The following SMARCA2 variants were observed in gnomAD, a reference collection of about 807,000 sequenced individuals.
The protein encoded by SMARCA2 is SWI/SNF related BAF chromatin remodeling complex subunit ATPase 2.
SMARCA2 carries 61 observed loss-of-function variants against 199.8 expected under a neutral mutation model. The observed-to-expected ratio is 0.31, with a 90% CI of 0.25 to 0.38. The LOEUF is 0.38. SMARCA2 is among the 10% of genes least tolerant of loss of function. The pLI, the probability that SMARCA2 is intolerant of heterozygous loss-of-function variation, is 1.00. For synonymous variants in SMARCA2, 935 were observed against 732.0 expected (o/e 1.28, Z -4.48); for missense variants, 1,344 against 2,012.2 (o/e 0.67, Z 6.35).
intron 27 of SMARCA2, chr9:2,158,274 G>A (rs1442671774): frequency 6.2e-6 from 1 of 162,428 alleles, no homozygotes; most frequent in Non-Finnish European, 1.3e-5. Flanking sequence ...AACTTGACTG[G>A]GGATTTTTAC....
Position 2,096,779 on chromosome 9 carries a change from A to T in SMARCA2, c.2991+15A>T. On this transcript the variant is annotated intron_variant, in intron 20 of 33. Coordinates refer to ENST00000349721, the MANE Select transcript of SMARCA2 (RefSeq NM_003070.5). ...AAGATAAGAAGGTACGTTGCGAAAG[A>T]TGATGCAACTCAAGGTGCTGTGGTA... 1 of 1,459,932 alleles carries T rather than the reference A, an allele frequency of 6.8e-7. No individual in the cohort carries two copies. Among genetic ancestry groups the T allele is most frequent in the African/African-American group, 1.4e-5 (1 of 72,118 alleles). The allele number at this position is 1,459,932 out of a possible 1,614,324, so 90.4% of individuals were successfully genotyped here. A position where few individuals can be genotyped will look rare whatever the true frequency, so the allele number is the denominator to read the frequency against.
chr9:2,164,748 C>T (rs573184321), intron 28 of SMARCA2, among the ~76,000 whole-genome samples: 1 of 152,176 alleles, frequency 6.6e-6, no homozygotes, highest in Non-Finnish European at 1.5e-5. Context: ...TTTCAGCATG[C>T]AGATATTGAG....
chr9:2,115,111 T>C lies in SMARCA2; in HGVS notation c.3457-711T>C, dbSNP rs993022393. Among the ~76,000 whole-genome samples, 6 of 151,530 alleles carry C rather than the reference T, an allele frequency of 4.0e-5. No individual in the cohort carries two copies. Among genetic ancestry groups the C allele is most frequent in the Non-Finnish European group, 7.4e-5 (5 of 68,002 alleles). ...AAGGTACATCCTTATTTCTAAATCTTTGTGCATATCTATGATTATTTGTTT... is the reference window on the plus strand; with the variant it reads ...AAGGTACATCCTTATTTCTAAATCTCTGTGCATATCTATGATTATTTGTTT... On this transcript the variant is annotated intron_variant, in intron 24 of 33. Coordinates refer to ENST00000349721, the MANE Select transcript of SMARCA2 (RefSeq NM_003070.5). This position sits in a 1 kb window ranked among gnomAD's most constrained non-coding sequence, Gnocchi z 6.0.
At chr9:2,101,741 A>G in intron 22 of SMARCA2, 125 bp downstream of exon 22, 1 of 501,778 alleles carries the variant, frequency 2.0e-6, no homozygotes, top group Non-Finnish European at 3.6e-6. Flanking sequence ...TCTTCAGTGG[A>G]GAAGTTAACC....
At chr9:2,187,474 C>G (rs1251459069) in intron 32 of SMARCA2, among the ~76,000 whole-genome samples, 1 of 152,040 alleles carries the variant, frequency 6.6e-6, no homozygotes, top group Non-Finnish European at 1.5e-5. Context: ...GAGTTCAAGA[C>G]CAGCCTGGAT....
chr9:2,153,242 A>T (rs961699384), intron 27 of SMARCA2, among the ~76,000 whole-genome samples: 3 of 152,232 alleles, frequency 2.0e-5, no homozygotes, highest in Non-Finnish European at 4.4e-5. Flanking sequence ...CACTGTTCAA[A>T]GTGCCCTCGA....
intron 31 of SMARCA2, among the ~76,000 whole-genome samples, chr9:2,183,526 A>G (rs1226481998): frequency 1.3e-5 from 2 of 152,214 alleles, no homozygotes; most frequent in Non-Finnish European, 2.9e-5. Flanking sequence ...AGAAAGAAAA[A>G]GACAAAGATG....
intron 28 of SMARCA2, among the ~76,000 whole-genome samples, chr9:2,167,989 A>G (rs890285599): frequency 1.3e-5 from 2 of 151,470 alleles, no homozygotes; most frequent in African/African-American, 4.9e-5. Context: ...AATTCAGGAC[A>G]TTATAATAAT....
chr9:2,105,539 A>G (rs1018400456), intron 23 of SMARCA2, among the ~76,000 whole-genome samples: 2 of 152,030 alleles, frequency 1.3e-5, no homozygotes, highest in African/African-American at 4.8e-5. Flanking sequence ...CAGGCATGAA[A>G]CTTGATTATT....
intron 23 of SMARCA2, among the ~76,000 whole-genome samples, chr9:2,105,172 G>C (rs1175041823): frequency 6.6e-6 from 1 of 151,992 alleles, no homozygotes; most frequent in Non-Finnish European, 1.5e-5. Flanking sequence ...TCTCTTTATG[G>C]TCTGCCTCTT....
chr9:2,166,641 TAA>T (rs1450629850), intron 28 of SMARCA2, among the ~76,000 whole-genome samples: 3 of 152,242 alleles, frequency 2.0e-5, no homozygotes, highest in Non-Finnish European at 4.4e-5. Context: ...TTTATGTATC[TAA>T]GTTTTTTCAT....
chr9:2,077,672 A>G lies in SMARCA2; in HGVS notation c.2080A>G (p.Ser694Gly). The G allele has an allele frequency of 6.2e-7, 1 of 1,614,144 alleles. No homozygotes were observed. The highest frequency in any genetic ancestry group is 8.5e-7 in the Non-Finnish European group (1 of 1,179,986). Residue 694 changes from serine to glycine, a missense_variant, in exon 14 of 34, where the codon AGT becomes GGT. This residue lies in a region of SMARCA2 where 106 missense variants were observed against 179.7 expected (regional missense o/e 0.59). Transcript: ENST00000349721. ...DVDDEYSMQY[S>G]ARGSQSYYTV... ...GGATGATGAATACAGCATGCAGTAC[A>G]GTGCCAGGGGCTCCCAGTCCTACTA...
intron 32 of SMARCA2, among the ~76,000 whole-genome samples, chr9:2,187,116 A>ATT (rs1485698097): frequency 1.3e-5 from 2 of 148,376 alleles, no homozygotes; most frequent in Non-Finnish European, 3.0e-5. Context: ...TTTTGCATAG[A>ATT]ATTTTTTTTT....
intron 27 of SMARCA2, among the ~76,000 whole-genome samples, chr9:2,149,251 C>T (rs1198020463): frequency 2.6e-5 from 4 of 151,324 alleles, no homozygotes; most frequent in Non-Finnish European, 4.4e-5. Context: ...GGTGTGGTGG[C>T]TCACACCTGT....
chr9:2,146,681 C>G (rs992257872), intron 27 of SMARCA2, among the ~76,000 whole-genome samples: 2 of 152,168 alleles, frequency 1.3e-5, no homozygotes, highest in Non-Finnish European at 2.9e-5. Context: ...GCTGCTTGCC[C>G]ATTTTTGTGG....
intron 18 of SMARCA2, among the ~76,000 whole-genome samples, chr9:2,088,202 A>T (rs1393112948): frequency 6.6e-6 from 1 of 152,222 alleles, no homozygotes; most frequent in African/African-American, 2.4e-5. Flanking sequence ...CTTCATTGAC[A>T]GTCATATCCC....
intron 13 of SMARCA2, 149 bp from the exon 14 acceptor site, chr9:2,077,480 G>A (rs1338189944): frequency 5.9e-6 from 4 of 672,284 alleles, no homozygotes; most frequent in South Asian, 5.9e-5. Flanking sequence ...ATTACAGATA[G>A]TGTATATTAA....
rs1586805727 is a variant in SMARCA2 at position 2,181,664 on chromosome 9, C to T, written c.4347C>T (p.Phe1449=). 3 of 1,454,268 alleles carry T rather than the reference C, an allele frequency of 2.1e-6. No homozygotes were observed. The highest frequency in any genetic ancestry group is 1.9e-6 in the Non-Finnish European group (2 of 1,036,968). The allele number at this position is 1,454,268 out of a possible 1,614,324, so 90.1% of individuals were successfully genotyped here. ...YYELIRKPVD[F]KKIKERIRNH... is the part of the protein sequence containing the mutation. ...AATTAATTAGGAAGCCAGTGGATTT[C>T]AAAAAAATAAAGGTAGATATTTTGT... is the stretch of plus-strand genomic sequence containing the variant. Residue 1449 remains phenylalanine, a synonymous_variant, in exon 30 of 34, where the codon TTC becomes TTT. Transcript: ENST00000349721.
intron 1 of SMARCA2, among the ~76,000 whole-genome samples, chr9:2,028,661 T>A (rs1040351347): frequency 2.6e-5 from 4 of 152,246 alleles, no homozygotes; most frequent in African/African-American, 7.2e-5. Flanking sequence ...AGAGCATCTG[T>A]TGACTTCAGT....
Sources: gnomAD v4.1 joint callset for allele counts (sites outside exome capture counted in the v4.1 genomes callset) on GRCh38, gnomAD v4.1.1 for gene constraint, gnomAD v4.1.1 regional missense constraint, Gnocchi (gnomAD v3.1) non-coding constraint, MANE v1.5 for transcripts, NCBI Gene and HGNC (gene_info 2026-07-23, HGNC 2026-07-21) for gene names.